The following PCDH15 variants were observed in gnomAD, a reference collection of about 807,000 sequenced individuals.
The protein encoded by PCDH15 is protocadherin related 15, also known as protocadherin-15.
In PCDH15, 129 loss-of-function variants were observed where a neutral mutation model predicts 178.5. The ratio of observed to expected loss-of-function variants is 0.72; its 90% CI spans 0.63 to 0.84. The LOEUF is 0.84. Among genes scored for constraint, PCDH15 ranks in the 40% least tolerant of loss-of-function variants. The pLI is 0.00. For missense variants in PCDH15, 2,230 were observed against 2,099.9 expected (o/e 1.06, Z -1.21); for synonymous variants, 800 against 732.0 (o/e 1.09, Z -1.50).
At chr10:54,661,349 G>A (rs1740089422) in intron 2 of PCDH15, among the ~76,000 whole-genome samples, 1 of 151,692 alleles carries the variant, frequency 6.6e-6, no homozygotes, top group South Asian at 2.1e-4. Flanking sequence ...AGACCAATGA[G>A]GTAAAAGATG....
intron 2 of PCDH15, chr10:54,600,785 A>G: frequency 4.6e-6 from 2 of 432,438 alleles, no homozygotes; most frequent in South Asian, 3.8e-5. Context: ...GGCTCCAGAC[A>G]TTGTATTTTA....
intron 2 of PCDH15, among the ~76,000 whole-genome samples, chr10:55,477,431 G>A (rs1322360574): frequency 2.0e-5 from 3 of 151,856 alleles, no homozygotes; most frequent in African/African-American, 7.2e-5. Flanking sequence ...TCAAAAGACT[G>A]TTCAAAAGTG....
chr10:55,464,495 T>G (rs1337761543), intron 2 of PCDH15, among the ~76,000 whole-genome samples: 1 of 151,836 alleles, frequency 6.6e-6, no homozygotes, highest in Non-Finnish European at 1.5e-5. Flanking sequence ...CGAGGAGGTT[T>G]TAGCACTCAC....
upstream of PCDH15, among the ~76,000 whole-genome samples, chr10:54,804,188 C>T (rs1396399772): frequency 6.8e-4 from 103 of 152,198 alleles, 1 homozygote; most frequent in Non-Finnish European, 4.4e-5. Flanking sequence ...TACAGGCGCC[C>T]ACCACCACGC....
At chr10:54,564,446 T>C (rs1358502321) in intron 2 of PCDH15, among the ~76,000 whole-genome samples, 1 of 152,180 alleles carries the variant, frequency 6.6e-6, no homozygotes, top group Admixed American at 6.6e-5. Flanking sequence ...GCTGTTTCCA[T>C]GTTTACCTTT....
intron 2 of PCDH15, among the ~76,000 whole-genome samples, chr10:55,086,166 G>A (rs1842162578): frequency 6.6e-6 from 1 of 151,824 alleles, no homozygotes; most frequent in South Asian, 2.1e-4. Flanking sequence ...CCTGGCAAAA[G>A]AAATATTAAT....
At chr10:54,984,104 C>G (rs1177438975) in intron 2 of PCDH15, among the ~76,000 whole-genome samples, 1 of 152,144 alleles carries the variant, frequency 6.6e-6, no homozygotes, top group Non-Finnish European at 1.5e-5. Context: ...ACTGTCAGGG[C>G]TCAGAAGCTG....
intron 3 of PCDH15, among the ~76,000 whole-genome samples, chr10:54,441,292 C>T (rs1054651520): frequency 6.6e-6 from 1 of 151,886 alleles, no homozygotes; most frequent in Non-Finnish European, 1.5e-5. Flanking sequence ...TATTCTACCC[C>T]AATCAACAGC....
At chr10:54,557,382 GC>G (rs1400941769) in intron 2 of PCDH15, among the ~76,000 whole-genome samples, 2 of 152,108 alleles carry the variant, frequency 1.3e-5, no homozygotes, top group Non-Finnish European at 2.9e-5. Flanking sequence ...TCAGAATGGT[GC>G]CTAATATTAC....
chr10:54,403,452 T>A (rs1430663414), intron 3 of PCDH15, among the ~76,000 whole-genome samples: 1 of 152,014 alleles, frequency 6.6e-6, no homozygotes, highest in African/African-American at 2.4e-5. Flanking sequence ...CTTGAACTAA[T>A]AAGAGCCATA....
intron 21 of PCDH15, among the ~76,000 whole-genome samples, chr10:53,972,687 A>C (rs2089830407): frequency 6.6e-6 from 1 of 152,248 alleles, no homozygotes; most frequent in Non-Finnish European, 1.5e-5. Flanking sequence ...ACACATGAAA[A>C]AAATGCTCAT....
chr10:53,810,741 T>G, intron 36 of PCDH15, 77 bp from the exon 37 acceptor site: 1 of 1,308,972 alleles, frequency 7.6e-7, no homozygotes, highest in Non-Finnish European at 1.1e-6. Context: ...TCTGTTTCCT[T>G]CTTTTTCTTC....
intron 2 of PCDH15, among the ~76,000 whole-genome samples, chr10:54,573,405 G>T (rs984612636): frequency 2.0e-5 from 3 of 152,050 alleles, no homozygotes; most frequent in African/African-American, 7.2e-5. Context: ...ATAAATTTAG[G>T]AGGAAAATAA....
intron 2 of PCDH15, among the ~76,000 whole-genome samples, chr10:55,040,478 A>C (rs535391932): frequency 7.0e-6 from 1 of 143,014 alleles, no homozygotes; most frequent in South Asian, 2.3e-4. Context: ...ATGAATCAAA[A>C]AAAAACCAAA....
rs564681259 is a variant in PCDH15, at chr10:54,749,039, A to T, written c.-29+51886T>A. ...TTATAAAGGTGAGTGGGCTCAGTAAATGCCTGAAAAAGTACCTTGACTAAG... is the reference window on the plus strand; with the variant it reads ...TTATAAAGGTGAGTGGGCTCAGTAATTGCCTGAAAAAGTACCTTGACTAAG... On this transcript the variant is annotated intron_variant, in intron 1 of 37. Coordinates refer to ENST00000644397, the MANE Select transcript of PCDH15 (RefSeq NM_001384140.1). 5.9e-4 allele frequency among the ~76,000 whole-genome samples: 90 copies of T among 152,286 alleles called. 2 individuals carry two copies. The South Asian group carries it at 0.018, about 30-fold the overall frequency.
rs193001144 is a variant in PCDH15, at chr10:54,793,920, G to A, written c.-29+7005C>T. Among the ~76,000 whole-genome samples the A allele has an allele frequency of 2.7e-4, 39 of 146,744 alleles. 1 individual carries two copies. The East Asian group carries it at 7.5e-3, about 28-fold the overall frequency. On this transcript the variant is annotated intron_variant, in intron 1 of 37. Transcript: ENST00000644397. Reference sequence around the variant, plus strand: ...AAAATAAGAAACATCACAAAAAAGGGTTTACAAAGTTGTATAGGAAAACTT... The same window carrying A: ...AAAATAAGAAACATCACAAAAAAGGATTTACAAAGTTGTATAGGAAAACTT...
At chr10:54,529,915 T>C (rs980832671) in intron 2 of PCDH15, among the ~76,000 whole-genome samples, 1 of 151,926 alleles carries the variant, frequency 6.6e-6, no homozygotes, top group Non-Finnish European at 1.5e-5. Flanking sequence ...CACACACACA[T>C]ATACACACAC....
At chr10:54,874,439 G>T (rs994486210) in intron 3 of PCDH15, among the ~76,000 whole-genome samples, 2 of 151,536 alleles carry the variant, frequency 1.3e-5, no homozygotes, top group Non-Finnish European at 2.9e-5. Flanking sequence ...ACATACGTGT[G>T]CATGTGTCTT....
chr10:53,989,523 C>G (rs2091324278), intron 21 of PCDH15, among the ~76,000 whole-genome samples: 1 of 151,970 alleles, frequency 6.6e-6, no homozygotes, highest in Non-Finnish European at 1.5e-5. Flanking sequence ...AAGATCAAGC[C>G]CCAACTGTTT....
Sources: allele counts gnomAD v4.1 joint callset (sites outside exome capture counted in the v4.1 genomes callset), GRCh38; gene constraint gnomAD v4.1.1; transcripts MANE v1.5; gene names NCBI Gene and HGNC (gene_info 2026-07-23, HGNC 2026-07-21).